HMGN3: variants seen among roughly 807,000 people sequenced by gnomAD.
HMGN3 encodes the protein high mobility group nucleosome-binding domain-containing protein 3.
In HMGN3, 6 loss-of-function variants were observed where a neutral mutation model predicts 18.8. That is an observed-to-expected ratio of 0.32 (90% CI 0.18 to 0.63). The LOEUF (loss-of-function observed/expected upper bound fraction) is 0.63. HMGN3 is among the 30% of genes least tolerant of loss of function. The pLI, the probability that HMGN3 is intolerant of heterozygous loss-of-function variation, is 0.79. For missense variants in HMGN3, 107 were observed against 114.2 expected (o/e 0.94, Z 0.29); for synonymous variants, 40 against 36.5 (o/e 1.10, Z -0.35).
At chr6:79,202,440 G>A (rs763200333) in intron 4 of HMGN3, 51 bp from the exon 5 acceptor site, 1 of 1,397,386 alleles carries the variant, frequency 7.2e-7, no homozygotes, top group Non-Finnish European at 1.0e-6. Flanking sequence ...ACGGTGTGAT[G>A]ATGGCTAAAA....
intron 4 of HMGN3, among the ~76,000 whole-genome samples, chr6:79,203,311 G>C (rs1561981640): frequency 6.6e-6 from 1 of 152,148 alleles, no homozygotes; most frequent in Non-Finnish European, 1.5e-5. Context: ...CGCATGAACC[G>C]CATGTTCACG....
chr6:79,233,863 T>C (rs1315554945), intron 1 of HMGN3: 1 of 152,332 alleles, frequency 6.6e-6, no homozygotes, highest in African/African-American at 2.4e-5. Flanking sequence ...CGAGCCATAT[T>C]GGACGCCCCG....
At chr6:79,205,822 AT>A (rs1776398594) in intron 3 of HMGN3, among the ~76,000 whole-genome samples, 1 of 152,220 alleles carries the variant, frequency 6.6e-6, no homozygotes, top group Non-Finnish European at 1.5e-5. Context: ...TTTCCTAAAG[AT>A]TTGTTGAATG....
intron 1 of HMGN3, among the ~76,000 whole-genome samples, chr6:79,225,746 C>T (rs1356390210): frequency 1.3e-5 from 2 of 152,158 alleles, no homozygotes; most frequent in Non-Finnish European, 2.9e-5. Context: ...GGTGAGGAAA[C>T]TGCATATGTG....
rs1582421943 is a variant in HMGN3 at position 79,216,186 on chromosome 6, G to A, written c.16-1164C>T. On this transcript the variant is annotated intron_variant, in intron 1 of 5. Coordinates refer to ENST00000344726, the Ensembl canonical transcript of HMGN3. ...CCTAGTAATTTTAATTTTGGTACCT[G>A]GACTCAGAAAAAGAAACTCTTTGTA... 2.0e-5 allele frequency among the ~76,000 whole-genome samples: 3 copies of A among 152,182 alleles called. No homozygotes were observed. The East Asian group carries it at 5.8e-4, about 29-fold the overall frequency.
intron 1 of HMGN3, among the ~76,000 whole-genome samples, chr6:79,222,981 A>C (rs1777377806): frequency 6.6e-6 from 1 of 152,252 alleles, no homozygotes; most frequent in Non-Finnish European, 1.5e-5. Context: ...GCAATCAGAT[A>C]TAAAAGATAA....
At chr6:79,221,902 C>CATTGGTACATGT (rs1378090292) in intron 1 of HMGN3, among the ~76,000 whole-genome samples, 4 of 151,878 alleles carry the variant, frequency 2.6e-5, no homozygotes, top group East Asian at 1.9e-4. Flanking sequence ...AGTACCAATT[C>CATTGGTACATGT]ATTGGTACAT....
chr6:79,234,294 G>T, intron 1 of HMGN3: 1 of 392,782 alleles, frequency 2.5e-6, no homozygotes, highest in East Asian at 3.7e-5. Flanking sequence ...ATTCCAGCGA[G>T]AATGAGTTCA....
exon 6 of HMGN3, chr6:79,201,413 G>T: frequency 2.5e-6 from 1 of 407,128 alleles, no homozygotes; most frequent in East Asian, 3.7e-5. Flanking sequence ...AAACACCACA[G>T]TATGCACAGG....
chr6:79,208,661 C>T (rs879882407), intron 2 of HMGN3, 85 bp from the exon 3 acceptor site: 13 of 1,043,664 alleles, frequency 1.2e-5, no homozygotes, highest in Non-Finnish European at 1.8e-5. Context: ...CTTAATATAC[C>T]TTACTTTGTT....
Position 79,214,955 on chromosome 6 carries a change from G to A in HMGN3, c.66+17C>T. 2.2e-6 allele frequency: 3 copies of A among 1,345,570 alleles called. No homozygotes were observed. Among genetic ancestry groups the A allele is most frequent in the Non-Finnish European group, 3.1e-6 (3 of 953,490 alleles). 83.4% of individuals were successfully genotyped at this position (1,345,570 alleles called of 1,614,324 possible). A position where few individuals can be genotyped will look rare whatever the true frequency, so the allele number is the denominator to read the frequency against. Reference sequence around the variant, plus strand: ...CAATGTAAATAATTAAATATAGGATGTCAAAGATATACTTACCTCCTGTTT... The same window carrying A: ...CAATGTAAATAATTAAATATAGGATATCAAAGATATACTTACCTCCTGTTT... On this transcript the variant is annotated intron_variant, in intron 2 of 5. Transcript: ENST00000344726.
intron 1 of HMGN3, among the ~76,000 whole-genome samples, chr6:79,224,600 AG>A (rs1319995363): frequency 6.6e-6 from 1 of 152,332 alleles, no homozygotes; most frequent in African/African-American, 2.4e-5. Context: ...AATTTTTTGT[AG>A]TACTTTACAT....
intron 3 of HMGN3, among the ~76,000 whole-genome samples, chr6:79,207,548 G>C (rs1776480944): frequency 6.6e-6 from 1 of 152,136 alleles, no homozygotes; most frequent in Admixed American, 6.5e-5. Flanking sequence ...TCCTTCTTTT[G>C]TAAAATGCCC....
At chr6:79,201,894 T>A in intron 5 of HMGN3, 168 bp from the exon 7 acceptor site, 2 of 985,094 alleles carry the variant, frequency 2.0e-6, no homozygotes. Flanking sequence ...AAGGCAGGAA[T>A]ATATTACACA....
chr6:79,219,433 C>G (rs1426668981), intron 1 of HMGN3, among the ~76,000 whole-genome samples: 2 of 151,736 alleles, frequency 1.3e-5, no homozygotes, highest in Non-Finnish European at 2.9e-5. Flanking sequence ...TTTCTTTCAA[C>G]AAGAATCTAT....
intron 1 of HMGN3, among the ~76,000 whole-genome samples, chr6:79,221,031 G>T (rs965772301): frequency 1.3e-5 from 2 of 151,998 alleles, no homozygotes; most frequent in African/African-American, 4.8e-5. Flanking sequence ...TTATTTCCTG[G>T]ATTTCTCTGT....
intron 1 of HMGN3, among the ~76,000 whole-genome samples, chr6:79,217,833 A>G (rs1446334627): frequency 6.6e-6 from 1 of 152,206 alleles, no homozygotes; most frequent in East Asian, 1.9e-4. Context: ...CATAGAAAGG[A>G]GGGAAACAAA....
At chr6:79,231,650 A>T (rs1777839265) in intron 1 of HMGN3, among the ~76,000 whole-genome samples, 1 of 152,174 alleles carries the variant, frequency 6.6e-6, no homozygotes, top group African/African-American at 2.4e-5. Flanking sequence ...AAGTTGCAAA[A>T]CTGAGGCCTG....
intron 1 of HMGN3, among the ~76,000 whole-genome samples, chr6:79,226,368 G>A (rs1478286578): frequency 2.0e-5 from 3 of 152,126 alleles, no homozygotes; most frequent in Middle Eastern, 3.2e-3. Flanking sequence ...AAATGAGAAC[G>A]GGAAACGGAC....
Sources: gnomAD v4.1 joint callset for allele counts (sites outside exome capture counted in the v4.1 genomes callset) on GRCh38, gnomAD v4.1.1 for gene constraint, MANE v1.5 for transcripts, NCBI Gene and HGNC (gene_info 2026-07-23, HGNC 2026-07-21) for gene names.